SLC6A6: variants seen among roughly 807,000 people sequenced by gnomAD.
The protein encoded by SLC6A6 is solute carrier family 6 member 6.
SLC6A6 carries 16 observed loss-of-function variants against 68.8 expected under a neutral mutation model. The ratio of observed to expected loss-of-function variants is 0.23; its 90% CI spans 0.16 to 0.35. The LOEUF (loss-of-function observed/expected upper bound fraction) is 0.35. SLC6A6 is among the 10% of genes least tolerant of loss of function. The pLI is 1.00. For synonymous variants in SLC6A6, 312 were observed against 315.4 expected, an observed-to-expected ratio of 0.99 and a Z score of 0.12; for missense variants, 474 against 802.8, an observed-to-expected ratio of 0.59 and a Z score of 4.95.
At chr3:14,431,661 G>A (rs1395255912) in intron 2 of SLC6A6, among the ~76,000 whole-genome samples, 1 of 152,160 alleles carries the variant, frequency 6.6e-6, no homozygotes, top group East Asian at 1.9e-4. Context: ...AGTAGAGCAG[G>A]CACCTGTGCT....
At chr3:14,440,458 G>A (rs1322392642) in intron 2 of SLC6A6, among the ~76,000 whole-genome samples, 1 of 152,098 alleles carries the variant, frequency 6.6e-6, no homozygotes, top group Admixed American at 6.5e-5. Flanking sequence ...GGAGAGGGAA[G>A]ATGGGGCCAG....
At chr3:14,443,505 C>A in intron 2 of SLC6A6, 119 bp from the exon 3 acceptor site, 1 of 685,592 alleles carries the variant, frequency 1.5e-6, no homozygotes, top group Non-Finnish European at 2.6e-6. Flanking sequence ...ATGCCAGGCC[C>A]CTTGCCACAG....
chr3:14,454,835 T>C (rs1178991921), intron 5 of SLC6A6, among the ~76,000 whole-genome samples: 1 of 152,216 alleles, frequency 6.6e-6, no homozygotes, highest in Non-Finnish European at 1.5e-5. Flanking sequence ...TGTATTCAAG[T>C]ACAAATGTGT....
At chr3:14,442,280 A>G (rs1249019322) in intron 2 of SLC6A6, among the ~76,000 whole-genome samples, 8 of 152,210 alleles carry the variant, frequency 5.3e-5, no homozygotes. Flanking sequence ...GATCATGAAG[A>G]CAAACAAGTT....
intron 13 of SLC6A6, 81 bp downstream of exon 13, chr3:14,479,266 T>G: frequency 2.2e-6 from 2 of 893,672 alleles, no homozygotes; most frequent in Non-Finnish European, 3.8e-6. Context: ...CCATCTTTCA[T>G]GCAGCATCTG....
In SLC6A6 at chr3:14,468,012, A is replaced by G. The variant is rs953379700; in HGVS notation, c.971+56A>G. ...TTTAGAAATGATGATGATGATGTTT[A>G]AAGAAAAAGAGAAGTAGGGAGCGTG... On this transcript the variant is annotated intron_variant, in intron 8 of 14. Coordinates refer to ENST00000622186, the MANE Select transcript of SLC6A6 (RefSeq NM_003043.6). This position sits in a 1 kb window ranked among gnomAD's most constrained non-coding sequence, Gnocchi z 4.5. 1.1e-5 allele frequency: 17 copies of G among 1,610,488 alleles called. No homozygotes were observed. In the Admixed American group the frequency reaches 2.8e-4, roughly 27 times the overall value.
At chr3:14,432,615 T>C (rs1289309035) in intron 2 of SLC6A6, 1 of 152,498 alleles carries the variant, frequency 6.6e-6, no homozygotes, top group East Asian at 1.9e-4. Context: ...TGTGCTGTTA[T>C]TGGCCTAAAC....
In SLC6A6 at chr3:14,421,129, G is replaced by C. The variant is rs145887283; in HGVS notation, c.-12+4676G>C. Among the ~76,000 whole-genome samples, 19 of 152,312 alleles carry C rather than the reference G, an allele frequency of 1.2e-4. 2 individuals carry two copies. Among genetic ancestry groups the C allele is most frequent in the African/African-American group, 4.6e-4 (19 of 41,570 alleles). ...GAGATGGAGGGGTGGCACCTCCCTG[G>C]GGAGCTCCTGCCTTCGGGACTTTAG... On this transcript the variant is annotated intron_variant, in intron 2 of 14. Coordinates refer to ENST00000622186, the MANE Select transcript of SLC6A6 (RefSeq NM_003043.6).
At chr3:14,467,818 C>T (rs377009788) in intron 7 of SLC6A6, 35 bp from the exon 8 acceptor site, 62 of 1,399,732 alleles carry the variant, frequency 4.4e-5, no homozygotes, top group East Asian at 4.1e-4. Flanking sequence ...TGACAGCCCT[C>T]CTCTCTTTCC....
chr3:14,474,201 C>G (rs1056981517), intron 10 of SLC6A6, among the ~76,000 whole-genome samples: 1 of 152,212 alleles, frequency 6.6e-6, no homozygotes, highest in African/African-American at 2.4e-5. Flanking sequence ...GGGGCTTCCT[C>G]CTTTGCATCT....
chr3:14,434,450 G>C (rs573827877), intron 2 of SLC6A6, among the ~76,000 whole-genome samples: 2 of 152,330 alleles, frequency 1.3e-5, no homozygotes, highest in East Asian at 3.9e-4. Context: ...CCCTTCTGCA[G>C]GTCAGCTTGG....
chr3:14,444,992 C>A, intron 3 of SLC6A6: 1 of 390,294 alleles, frequency 2.6e-6, no homozygotes, highest in Non-Finnish European at 5.2e-6. Flanking sequence ...TGCCTCCTGC[C>A]CTGGGCAGGC....
intron 2 of SLC6A6, among the ~76,000 whole-genome samples, chr3:14,418,718 C>T (rs1699420094): frequency 6.6e-6 from 1 of 152,240 alleles, no homozygotes. Context: ...GCTTATTGCA[C>T]ATCAGGCACT....
At chr3:14,421,391 A>C (rs921515108) in intron 2 of SLC6A6, among the ~76,000 whole-genome samples, 1 of 152,176 alleles carries the variant, frequency 6.6e-6, no homozygotes, top group Admixed American at 6.5e-5. Flanking sequence ...TGTGACTCTG[A>C]GCACATCGTT....
chr3:14,468,279 C>G lies in SLC6A6; in HGVS notation c.1096+67C>G. 1.4e-6 allele frequency: 2 copies of G among 1,464,948 alleles called. No homozygotes were observed. The highest frequency in any genetic ancestry group is 1.9e-6 in the Non-Finnish European group (2 of 1,080,102). The allele number at this position is 1,464,948 out of a possible 1,614,324, so 90.7% of individuals were successfully genotyped here. A position where few individuals can be genotyped will look rare whatever the true frequency, so the allele number is the denominator to read the frequency against. ...TAGTGTGTAAGCCAAGTACTGCAGGCATGAAGCCAGACCCCAGGGGGCTTT... is the reference window on the plus strand; with the variant it reads ...TAGTGTGTAAGCCAAGTACTGCAGGGATGAAGCCAGACCCCAGGGGGCTTT... On this transcript the variant is annotated intron_variant, in intron 9 of 14. Coordinates refer to ENST00000622186, the MANE Select transcript of SLC6A6 (RefSeq NM_003043.6). The surrounding 1 kb of genome is among the most constrained non-coding windows in gnomAD (Gnocchi z 4.5).
chr3:14,434,783 C>A (rs187749590), intron 2 of SLC6A6, among the ~76,000 whole-genome samples: 2 of 152,162 alleles, frequency 1.3e-5, no homozygotes, highest in Non-Finnish European at 2.9e-5. Flanking sequence ...GGGAGCCTGC[C>A]GTGCCTCCAC....
In SLC6A6 at chr3:14,486,534, G is replaced by A. The variant is rs1439666889; in HGVS notation, c.*1527G>A. ...GATCAAGGGCCTTATGTGGAGCAGA[G>A]GTTGTCTCTGAACCAGGAGAGAAGG... On this transcript the variant is annotated 3_prime_UTR_variant, in exon 15 of 15. Coordinates refer to ENST00000622186, the MANE Select transcript of SLC6A6 (RefSeq NM_003043.6). The A allele has an allele frequency of 6.6e-6, 1 of 152,600 alleles. No individual in the cohort carries two copies. The highest frequency in any genetic ancestry group is 2.4e-5 in the African/African-American group (1 of 41,394). The allele number at this position is 152,600 out of a possible 1,614,324, so 9.5% of individuals were successfully genotyped here.
At chr3:14,403,926 T>C (rs1228231461) in intron 1 of SLC6A6, among the ~76,000 whole-genome samples, 1 of 152,184 alleles carries the variant, frequency 6.6e-6, no homozygotes, top group East Asian at 1.9e-4. Context: ...CCTGGCTATT[T>C]TGGTCACTGT....
chr3:14,454,105 C>T (rs1041194591), intron 5 of SLC6A6, among the ~76,000 whole-genome samples: 5 of 152,160 alleles, frequency 3.3e-5, no homozygotes, highest in East Asian at 1.9e-4. Context: ...TCAGAAGGGC[C>T]GTGTTGGCCG....
Sources: allele counts gnomAD v4.1 joint callset (sites outside exome capture counted in the v4.1 genomes callset), GRCh38; gene constraint gnomAD v4.1.1; non-coding constraint Gnocchi (gnomAD v3.1); transcripts MANE v1.5; gene names NCBI Gene and HGNC (gene_info 2026-07-23, HGNC 2026-07-21).